The following KIF21A variants were observed in gnomAD, a reference collection of about 807,000 sequenced individuals.
KIF21A encodes the protein kinesin-like protein KIF21A.
Under a neutral mutation model 202.9 loss-of-function variants are expected in KIF21A, and 114 were observed. The ratio of observed to expected loss-of-function variants is 0.56; its 90% CI spans 0.48 to 0.66. KIF21A has a LOEUF of 0.66. KIF21A is among the 30% of genes least tolerant of loss of function. The probability of loss-of-function intolerance (pLI) is 0.00; values close to 1 mark genes in which losing one functional copy is unlikely to be tolerated. For missense variants in KIF21A, 1,677 were observed against 1,994.9 expected, an observed-to-expected ratio of 0.84 and a Z score of 3.04; for synonymous variants, 667 against 670.8, an observed-to-expected ratio of 0.99 and a Z score of 0.09.
intron 22 of KIF21A, 25 bp from the exon 23 acceptor site, chr12:39,330,936 T>C: frequency 6.2e-7 from 1 of 1,612,468 alleles, no homozygotes; most frequent in Non-Finnish European, 8.5e-7. Flanking sequence ...AAAATTATCT[T>C]AGGTCATACG....
chr12:39,349,000 T>A (rs1430015929), intron 11 of KIF21A, among the ~76,000 whole-genome samples: 1 of 151,818 alleles, frequency 6.6e-6, no homozygotes, highest in Non-Finnish European at 1.5e-5. Context: ...TTTAAGGAGA[T>A]CAGAGAAAAA....
chr12:39,381,625 C>A (rs991757898), intron 1 of KIF21A, among the ~76,000 whole-genome samples: 2 of 152,100 alleles, frequency 1.3e-5, no homozygotes, highest in Admixed American at 1.3e-4. Flanking sequence ...CCAATAACCA[C>A]AAGTGACAGC....
At chr12:39,432,178 T>C (rs1309833417) in intron 1 of KIF21A, among the ~76,000 whole-genome samples, 2 of 152,252 alleles carry the variant, frequency 1.3e-5, no homozygotes, top group Non-Finnish European at 2.9e-5. Flanking sequence ...TGTGTTTGAT[T>C]TACCATCACT....
chr12:39,422,133 T>G (rs911112494), intron 1 of KIF21A, among the ~76,000 whole-genome samples: 1 of 148,406 alleles, frequency 6.7e-6, no homozygotes, highest in Admixed American at 6.8e-5. Context: ...TAATTTTTGT[T>G]TTTTTTTTTA....
Position 39,316,798 on chromosome 12 carries a change from GCAGT to G in KIF21A, c.3909-832_3909-829del, listed in dbSNP as rs1452429399. On this transcript the variant is annotated intron_variant, in intron 29 of 37. Transcript: ENST00000361418. ...GTAGTCAAGTTTTTGAAAGTGTAGA[GCAGT>G]CAGTTATTCTACATTTTAGTTTATA... is the stretch of plus-strand genomic sequence containing the variant. Among the ~76,000 whole-genome samples, 3 of 152,082 alleles carry G rather than the reference GCAGT, an allele frequency of 2.0e-5. No individual in the cohort carries two copies. The East Asian group carries it at 5.8e-4, about 29-fold the overall frequency.
rs1942034070 is a variant in KIF21A, at chr12:39,293,535, A to G, written c.*889T>C. On this transcript the variant is annotated 3_prime_UTR_variant, in exon 38 of 38. Transcript: ENST00000361418. Reference sequence around the variant, plus strand: ...ATAATAGCTCTCATCATAGCTACCAAGGTTCGCAAACATAGTATATTTAAA... The same window carrying G: ...ATAATAGCTCTCATCATAGCTACCAGGGTTCGCAAACATAGTATATTTAAA... 6.6e-6 allele frequency: 1 copy of G among 152,612 alleles called. No homozygotes were observed. The highest frequency in any genetic ancestry group is 2.4e-5 in the African/African-American group (1 of 41,446). The allele number at this position is 152,612 out of a possible 1,614,324, so 9.5% of individuals were successfully genotyped here. A position where few individuals can be genotyped will look rare whatever the true frequency, so the allele number is the denominator to read the frequency against.
At chr12:39,346,416 A>G in intron 12 of KIF21A, 50 bp downstream of exon 12, 1 of 1,332,522 alleles carries the variant, frequency 7.5e-7, no homozygotes, top group Non-Finnish European at 9.9e-7. Context: ...GTGAATGGCA[A>G]CTAAGTATTT....
At chr12:39,336,949 A>G in intron 17 of KIF21A, 147 bp downstream of exon 17, 1 of 644,002 alleles carries the variant, frequency 1.6e-6, no homozygotes, top group South Asian at 1.7e-5. Context: ...ATACTGTAAT[A>G]AATGACATTT....
rs759507227 is a variant in KIF21A at position 39,315,943 on chromosome 12, C to G, written c.3936G>C (p.Ser1312=). Residue 1312 remains serine, a synonymous_variant, in exon 30 of 38, where the codon TCG becomes TCC. Transcript: ENST00000361418. ...AGGAAAGAAAGTACCTGTGTACCTC[C>G]GAGAGAGAGGAGTCACTTTCATCAG... ...DKSDESDSSL[S]EVHRSSRRGI... 1 of 1,605,570 alleles carries G rather than the reference C, an allele frequency of 6.2e-7. No individual in the cohort carries two copies. The highest frequency in any genetic ancestry group is 8.5e-7 in the Non-Finnish European group (1 of 1,172,668).
At chr12:39,423,165 C>T (rs980786575) in intron 1 of KIF21A, among the ~76,000 whole-genome samples, 1 of 152,170 alleles carries the variant, frequency 6.6e-6, no homozygotes, top group African/African-American at 2.4e-5. Context: ...CAACCTAAAA[C>T]TTAACCTGCT....
At chr12:39,294,563 A>T (rs1254844954) in intron 37 of KIF21A, 46 bp from the exon 38 acceptor site, 2 of 1,375,362 alleles carry the variant, frequency 1.5e-6, no homozygotes, top group East Asian at 2.3e-5. Flanking sequence ...AAGGGCAGAA[A>T]GATAAAGAAA....
intron 7 of KIF21A, 100 bp from the exon 8 acceptor site, chr12:39,358,473 CA>C: frequency 9.4e-7 from 1 of 1,066,172 alleles, no homozygotes; most frequent in South Asian, 1.3e-5. Context: ...ATCTTCTCTT[CA>C]AGATACCAAA....
intron 7 of KIF21A, among the ~76,000 whole-genome samples, chr12:39,358,958 A>G (rs1949001280): frequency 6.6e-6 from 1 of 152,234 alleles, no homozygotes; most frequent in South Asian, 2.1e-4. Context: ...TGATTTAGCC[A>G]CCGAAGATTA....
chr12:39,369,081 T>C (rs1949785716), intron 3 of KIF21A, among the ~76,000 whole-genome samples: 1 of 152,192 alleles, frequency 6.6e-6, no homozygotes, highest in Admixed American at 6.5e-5. Context: ...ATTTCTCACA[T>C]ACTTCCCCTA....
chr12:39,304,079 G>A (rs17127019), intron 35 of KIF21A, among the ~76,000 whole-genome samples: 45,238 of 151,900 alleles, frequency 0.3, 8,470 homozygotes, highest in African/African-American at 0.53. Flanking sequence ...ACTAAGCCCA[G>A]CTCCTAAGTA....
intron 10 of KIF21A, among the ~76,000 whole-genome samples, chr12:39,355,976 C>T (rs2138803391): frequency 6.6e-6 from 1 of 151,966 alleles, no homozygotes; most frequent in African/African-American, 2.4e-5. Context: ...GACAGGGTAA[C>T]TGTGAAAGAT....
rs556214022 is a variant in KIF21A, at chr12:39,301,641, C to T, written c.4770G>A (p.Leu1590=). 2 of 1,614,036 alleles carry T rather than the reference C, an allele frequency of 1.2e-6. No homozygotes were observed. Among genetic ancestry groups the T allele is most frequent in the East Asian group, 4.5e-5 (2 of 44,868 alleles). Residue 1590 remains leucine (L), a synonymous_variant, in exon 37 of 38, where the codon CTG becomes CTA. Transcript: ENST00000361418. ...AAACTGGGTGGTCTGGCACCACTCC[C>T]AGGGCACAGACCCAATCCTTATGTG... ...PNAHKDWVCA[L]GVVPDHPVLL...
chr12:39,315,091 G>T (rs1399789159), intron 31 of KIF21A, 138 bp downstream of exon 31: 1 of 797,004 alleles, frequency 1.3e-6, no homozygotes, highest in Admixed American at 1.9e-5. Context: ...CAAGTTTAAG[G>T]TTAAATATGG....
At chr12:39,339,309 G>A (rs1565851457) in intron 16 of KIF21A, among the ~76,000 whole-genome samples, 1 of 150,918 alleles carries the variant, frequency 6.6e-6, no homozygotes, top group Non-Finnish European at 1.5e-5. Context: ...TCTATGTTTA[G>A]ATATGTTTAG....
Sources: gnomAD v4.1 joint callset for allele counts (sites outside exome capture counted in the v4.1 genomes callset) on GRCh38, gnomAD v4.1.1 for gene constraint, MANE v1.5 for transcripts, NCBI Gene and HGNC (gene_info 2026-07-23, HGNC 2026-07-21) for gene names.